Variants in BIRC3 observed in about 807,000 individuals in gnomAD.
The protein encoded by BIRC3 is baculoviral IAP repeat-containing protein 3.
BIRC3 carries 26 observed loss-of-function variants against 59.0 expected under a neutral mutation model. The observed-to-expected ratio is 0.44, with a 90% CI of 0.32 to 0.61. The LOEUF is 0.61. Ranked by LOEUF, BIRC3 falls within the 20% of genes least tolerant of loss-of-function variation. BIRC3 has a pLI of 0.04. For missense variants in BIRC3, 641 were observed against 711.5 expected, an observed-to-expected ratio of 0.90 and a Z score of 1.13; for synonymous variants, 243 against 249.2, an observed-to-expected ratio of 0.98 and a Z score of 0.24.
rs11225216 is a variant in BIRC3 at position 102,337,323 on chromosome 11, G to A, written c.*221G>A. ...TTTTGTTCTTATGAACGAAAAAGAG[G>A]TAGCACTACAAACACAATATTCAAT... On this transcript the variant is annotated 3_prime_UTR_variant, in exon 9 of 9. Transcript: ENST00000263464. The A allele has an allele frequency of 0.01, 4,211 of 407,744 alleles. 132 individuals are homozygous for A. Among genetic ancestry groups the A allele is most frequent in the African/African-American group, 0.077 (3,769 of 48,740 alleles). The allele number at this position is 407,744 out of a possible 1,614,324, so 25.3% of individuals were successfully genotyped here. A position where few individuals can be genotyped will look rare whatever the true frequency, so the allele number is the denominator to read the frequency against.
chr11:102,335,991 T>C lies in BIRC3; in HGVS notation c.1350T>C (p.Asn450=). ...ESNDLLLIRK[N]RMALFQHLTC... is the part of the protein sequence containing the mutation. The stretch of plus-strand genomic sequence containing the variant: ...ATGATTTATTATTAATCCGGAAGAA[T>C]AGAATGGCACTTTTTCAACATTTGA... Residue 450 remains asparagine, a synonymous_variant, in exon 7 of 9, where the codon AAT becomes AAC. Transcript: ENST00000263464. 1 of 1,610,384 alleles carries C rather than the reference T, an allele frequency of 6.2e-7. No individual in the cohort carries two copies. Among genetic ancestry groups the C allele is most frequent in the Non-Finnish European group, 8.5e-7 (1 of 1,178,582 alleles).
Position 102,338,610 on chromosome 11 carries a change from G to T in BIRC3, c.*1508G>T, listed in dbSNP as rs1013416156. On this transcript the variant is annotated 3_prime_UTR_variant, in exon 9 of 9. Transcript: ENST00000263464. Reference sequence around the variant, plus strand: ...GGACCCAGCAAGGCCTGTCTGTTCAGATTATTCTTGGTCTCTGTGCAGCAT... The same window carrying T: ...GGACCCAGCAAGGCCTGTCTGTTCATATTATTCTTGGTCTCTGTGCAGCAT... 1 of 228,732 alleles carries T rather than the reference G, an allele frequency of 4.4e-6. No individual in the cohort carries two copies. Among genetic ancestry groups the T allele is most frequent in the Non-Finnish European group, 8.7e-6 (1 of 115,302 alleles). The allele number at this position is 228,732 out of a possible 1,614,324, so 14.2% of individuals were successfully genotyped here.
rs778446983 is a variant in BIRC3 at position 102,325,726 on chromosome 11, G to A, written c.953+161G>A. On this transcript the variant is annotated intron_variant, in intron 3 of 8. Coordinates refer to ENST00000263464, the MANE Select transcript of BIRC3 (RefSeq NM_001165.5). ...GTAAAATACTTACTTAAAAAGTTTC[G>A]ATGGACTTAAGACAACGAAGAAATA... 3.9e-5 allele frequency among the ~76,000 whole-genome samples: 6 copies of A among 152,012 alleles called. 1 individual carries two copies. Among genetic ancestry groups the A allele is most frequent in the South Asian group, 4.1e-4 (2 of 4,828 alleles).
rs766098781 is a variant in BIRC3 at position 102,328,110 on chromosome 11, T to A, written c.1012T>A (p.Tyr338Asn). Residue 338 changes from tyrosine (Y) to asparagine (N), a missense_variant, in exon 4 of 9, where the codon TAC becomes AAC. Coordinates refer to ENST00000263464, the MANE Select transcript of BIRC3 (RefSeq NM_001165.5). ...GTTCATCCGTCAAGTTCAAGCCAGT[T>A]ACCCTCATCTACTTGAACAGGTAGG... ...QEFIRQVQAS[Y>N]PHLLEQLLST... 2.5e-6 allele frequency: 4 copies of A among 1,608,458 alleles called. No individual in the cohort carries two copies. The Admixed American group carries it at 6.8e-5, about 27-fold the overall frequency.
chr11:102,323,833 C>T lies in BIRC3; in HGVS notation c.-677C>T, dbSNP rs1222608662. On this transcript the variant is annotated 5_prime_UTR_variant, in exon 2 of 9. Coordinates refer to ENST00000263464, the MANE Select transcript of BIRC3 (RefSeq NM_001165.5). ...TAAATCTTACCATTATTTTACGTAC[C>T]TCTAAGAAATAAAAGTGCTTCTAAT... 1.0e-5 allele frequency: 2 copies of T among 200,794 alleles called. No individual in the cohort carries two copies. Among genetic ancestry groups the T allele is most frequent in the Non-Finnish European group, 1.0e-5 (1 of 97,716 alleles). 12.4% of individuals were successfully genotyped at this position (200,794 alleles called of 1,614,324 possible). A position where few individuals can be genotyped will look rare whatever the true frequency, so the allele number is the denominator to read the frequency against.
intron 3 of BIRC3, chr11:102,326,832 G>A (rs1014049216): frequency 2.2e-5 from 10 of 452,246 alleles, no homozygotes; most frequent in Non-Finnish European, 4.0e-5. Context: ...CTCGAGCCTC[G>A]CTAGTAGCTG....
At chr11:102,336,640 C>T in intron 7 of BIRC3, 120 bp from the exon 8 acceptor site, 1 of 929,052 alleles carries the variant, frequency 1.1e-6, no homozygotes. Context: ...AGATTAAAGA[C>T]TTCTGTTGCC....
At chr11:102,317,643 G>T (rs1006176959) in intron 1 of BIRC3, 72 bp downstream of exon 1, 2 of 153,434 alleles carry the variant, frequency 1.3e-5, no homozygotes, top group African/African-American at 4.8e-5. Flanking sequence ...GCGCGCGCGC[G>T]CCTCCCCTGG....
chr11:102,335,881 T>G (rs1951190245), intron 6 of BIRC3, 85 bp from the exon 7 acceptor site: 7 of 1,382,516 alleles, frequency 5.1e-6, no homozygotes, highest in Non-Finnish European at 6.8e-6. Flanking sequence ...TAAAGATAGT[T>G]TTTATCCTGC....
intron 5 of BIRC3, among the ~76,000 whole-genome samples, chr11:102,329,704 G>A (rs764935741): frequency 3.9e-4 from 60 of 152,052 alleles, no homozygotes; most frequent in Admixed American, 2.6e-3. Context: ...ACCAAACACC[G>A]CATGTTCTCA....
intron 1 of BIRC3, among the ~76,000 whole-genome samples, chr11:102,320,572 G>T (rs1416781390): frequency 6.6e-6 from 1 of 152,184 alleles, no homozygotes; most frequent in Non-Finnish European, 1.5e-5. Context: ...GCCTTGTGGG[G>T]TGTCTCTTTT....
intron 7 of BIRC3, 175 bp downstream of exon 7, chr11:102,336,395 C>A: frequency 1.4e-6 from 1 of 716,216 alleles, no homozygotes. Context: ...AGTTTGAGAC[C>A]AGACTGGACA....
rs1951103398 is a variant in BIRC3, at chr11:102,328,113, C to T, written c.1015C>T (p.Pro339Ser). ...CATCCGTCAAGTTCAAGCCAGTTAC[C>T]CTCATCTACTTGAACAGGTAGGGCA... is the stretch of plus-strand genomic sequence containing the variant. The part of the protein sequence containing the change: ...EFIRQVQASY[P>S]HLLEQLLSTS... The change falls in exon 4 of 9, where the codon CCT (proline) becomes TCT (serine). Residue 339 changes from proline (P) to serine (S), a missense_variant. Coordinates refer to ENST00000263464, the MANE Select transcript of BIRC3 (RefSeq NM_001165.5). 6.2e-7 allele frequency: 1 copy of T among 1,607,112 alleles called. No homozygotes were observed. The highest frequency in any genetic ancestry group is 1.3e-5 in the African/African-American group (1 of 74,356).
At chr11:102,326,705 CT>C (rs577802606) in intron 3 of BIRC3, 33 of 454,432 alleles carry the variant, frequency 7.3e-5, no homozygotes, top group South Asian at 4.5e-4. Context: ...ATTTTGATTA[CT>C]TTTTTTCCTC....
chr11:102,327,967 A>C, intron 3 of BIRC3, 85 bp from the exon 4 acceptor site: 1 of 1,009,136 alleles, frequency 9.9e-7, no homozygotes, highest in South Asian at 1.5e-5. Flanking sequence ...TGGAATAAAC[A>C]CCTAGAGATG....
In BIRC3 at chr11:102,337,888, C is replaced by T. The variant is rs999298281; in HGVS notation, c.*786C>T. On this transcript the variant is annotated 3_prime_UTR_variant, in exon 9 of 9. Transcript: ENST00000263464. ...ACACTTGTAGAACACGGGGTCAACA[C>T]ATCATAAAATCTATTATGGAATGCC... is the stretch of plus-strand genomic sequence containing the variant. The T allele has an allele frequency of 1.3e-5, 3 of 228,732 alleles. No homozygotes were observed. Among genetic ancestry groups the T allele is most frequent in the African/African-American group, 2.2e-5 (1 of 45,120 alleles). 14.2% of individuals were successfully genotyped at this position (228,732 alleles called of 1,614,324 possible).
chr11:102,329,437 C>G (rs1294472210), intron 5 of BIRC3, among the ~76,000 whole-genome samples: 1 of 152,206 alleles, frequency 6.6e-6, no homozygotes, highest in Non-Finnish European at 1.5e-5. Flanking sequence ...ACAAGCCCCT[C>G]TACTCCATTA....
At position 102,336,652 on chromosome 11, in the gene BIRC3, T is replaced by G. The variant is rs17885041; in HGVS notation, c.1580-108T>G. Reference sequence around the variant, plus strand: ...AAAAGATTAAAGACTTCTGTTGCCTTGAAATGAGTATTTGGCTATAGTCTA... The same window carrying G: ...AAAAGATTAAAGACTTCTGTTGCCTGGAAATGAGTATTTGGCTATAGTCTA... On this transcript the variant is annotated intron_variant, in intron 7 of 8. Transcript: ENST00000263464. The G allele has an allele frequency of 2.8e-3, 2,919 of 1,044,894 alleles. 49 individuals carry two copies. In the African/African-American group the frequency reaches 0.043, roughly 15 times the overall value. The allele number at this position is 1,044,894 out of a possible 1,614,324, so 64.7% of individuals were successfully genotyped here.
chr11:102,320,851 C>A (rs1951024813), intron 1 of BIRC3, among the ~76,000 whole-genome samples: 1 of 152,200 alleles, frequency 6.6e-6, no homozygotes, highest in Admixed American at 6.5e-5. Context: ...AACAGTCAGT[C>A]CCAGTGTCAG....
Sources: allele counts gnomAD v4.1 joint callset (sites outside exome capture counted in the v4.1 genomes callset), GRCh38; gene constraint gnomAD v4.1.1; transcripts MANE v1.5; gene names NCBI Gene and HGNC (gene_info 2026-07-23, HGNC 2026-07-21).